ARHGEF12: variants seen among roughly 807,000 people sequenced by gnomAD.
ARHGEF12 encodes KMT2A/ARHGEF12 fusion protein.
A neutral mutation model predicts 211.2 loss-of-function variants in ARHGEF12; 66 were observed. The ratio of observed to expected loss-of-function variants is 0.31; its 90% CI spans 0.26 to 0.38. The LOEUF is 0.38. Ranked by LOEUF, ARHGEF12 falls within the 10% of genes least tolerant of loss-of-function variation. ARHGEF12 has a pLI of 1.00. For missense variants in ARHGEF12, 1,429 were observed against 1,869.5 expected (o/e 0.76, Z 4.34); for synonymous variants, 592 against 638.4 (o/e 0.93, Z 1.09).
intron 1 of ARHGEF12, among the ~76,000 whole-genome samples, chr11:120,354,268 C>T (rs1943072345): frequency 6.6e-6 from 1 of 152,118 alleles, no homozygotes; most frequent in South Asian, 2.1e-4. Context: ...CAGTCCTACC[C>T]CAGAGTGGTT....
chr11:120,416,711 C>T (rs550082583), intron 4 of ARHGEF12, among the ~76,000 whole-genome samples: 4 of 151,932 alleles, frequency 2.6e-5, no homozygotes, highest in South Asian at 2.1e-4. Context: ...AGTGCAGTGG[C>T]GCGATCTCGG....
chr11:120,401,167 C>T (rs931166720), intron 1 of ARHGEF12, among the ~76,000 whole-genome samples: 2 of 152,116 alleles, frequency 1.3e-5, no homozygotes, highest in South Asian at 2.1e-4. Context: ...TTTTTTCTCC[C>T]GATTCCACAA....
intron 1 of ARHGEF12, among the ~76,000 whole-genome samples, chr11:120,381,827 T>G (rs946045001): frequency 5.3e-5 from 8 of 152,160 alleles, no homozygotes; most frequent in African/African-American, 1.9e-4. Context: ...TCTCCTCTAG[T>G]CCCTAGCAAC....
chr11:120,479,348 C>A (rs1219982645), intron 37 of ARHGEF12, among the ~76,000 whole-genome samples: 1 of 152,170 alleles, frequency 6.6e-6, no homozygotes, highest in Non-Finnish European at 1.5e-5. Flanking sequence ...ATTTTTTATA[C>A]CTTCTCCTGA....
In ARHGEF12 at chr11:120,446,198, A is replaced by AAATAATAAT. The variant is rs59459827; in HGVS notation, c.1346-173_1346-165dup. 8.6e-3 allele frequency among the ~76,000 whole-genome samples: 1,208 copies of AAATAATAAT among 140,354 alleles called. 22 individuals carry two copies. The highest frequency in any genetic ancestry group is 0.03 in the African/African-American group (1,142 of 38,410). The allele number at this position is 140,354 out of a possible 152,430, so 92.1% of individuals were successfully genotyped here. On this transcript the variant is annotated intron_variant, in intron 16 of 40. Transcript: ENST00000397843. ...GGGCAACAGAGCAAGACTCCATCTC[A>AAATAATAAT]AATAATAATAATAATAATAATAATA...
At chr11:120,382,662 T>C (rs1248463493) in intron 1 of ARHGEF12, among the ~76,000 whole-genome samples, 2 of 152,260 alleles carry the variant, frequency 1.3e-5, no homozygotes, top group Non-Finnish European at 2.9e-5. Flanking sequence ...GAGTACTGTA[T>C]GTATTCATTC....
chr11:120,480,216 G>A lies in ARHGEF12; in HGVS notation c.4023G>A (p.Val1341=). ...AATCTTTTGCTCCACGGGATTCAGT[G>A]GGACTGGCACCCCAGGATAGCCAGG... ...STESFAPRDS[V]GLAPQDSQAS... Residue 1341 remains valine, a synonymous_variant, in exon 38 of 41, where the codon GTG becomes GTA. Coordinates refer to ENST00000397843, the MANE Select transcript of ARHGEF12 (RefSeq NM_015313.3). The A allele has an allele frequency of 6.2e-7, 1 of 1,614,176 alleles. No homozygotes were observed. The highest frequency in any genetic ancestry group is 8.5e-7 in the Non-Finnish European group (1 of 1,180,026).
chr11:120,367,849 G>T (rs1193263092), intron 1 of ARHGEF12, among the ~76,000 whole-genome samples: 2 of 152,158 alleles, frequency 1.3e-5, no homozygotes, highest in African/African-American at 2.4e-5. Context: ...GCACACACCT[G>T]TAGTTCCAGC....
chr11:120,396,641 A>G (rs532685867), intron 1 of ARHGEF12, among the ~76,000 whole-genome samples: 2 of 152,380 alleles, frequency 1.3e-5, no homozygotes, highest in Admixed American at 1.3e-4. Context: ...TTTCAATTGG[A>G]TATCACACTC....
rs906260027 is a variant in ARHGEF12, at chr11:120,339,005, C to CTTT, written c.32+1746_32+1748dup. Among the ~76,000 whole-genome samples the CTTT allele has an allele frequency of 7.8e-4, 95 of 121,980 alleles. 2 individuals are homozygous for CTTT. The highest frequency in any genetic ancestry group is 1.9e-3 in the African/African-American group (61 of 32,164). 80.0% of individuals were successfully genotyped at this position (121,980 alleles called of 152,430 possible). The stretch of plus-strand genomic sequence containing the variant: ...CTGAAAGCCTGTTTCTTTTCTTTTT[C>CTTT]TTTTTTTTTTTTTTTTTTGGCCAGG... On this transcript the variant is annotated intron_variant, in intron 1 of 40. Transcript: ENST00000397843.
At chr11:120,483,616 A>G (rs1947319193) in intron 39 of ARHGEF12, among the ~76,000 whole-genome samples, 1 of 145,926 alleles carries the variant, frequency 6.9e-6, no homozygotes, top group African/African-American at 2.5e-5. Context: ...TAATTTATTT[A>G]TGTATTTATA....
intron 1 of ARHGEF12, among the ~76,000 whole-genome samples, chr11:120,371,357 G>A (rs578066153): frequency 1.3e-5 from 2 of 152,224 alleles, no homozygotes; most frequent in East Asian, 1.9e-4. Flanking sequence ...GTGTGCTGGC[G>A]CATGCCTGTA....
chr11:120,400,381 C>T (rs1944520695), intron 1 of ARHGEF12, among the ~76,000 whole-genome samples: 1 of 152,076 alleles, frequency 6.6e-6, no homozygotes, highest in Non-Finnish European at 1.5e-5. Context: ...ATATTAATAT[C>T]TCTTCCATAA....
In ARHGEF12 at chr11:120,336,422, C is replaced by G. The variant is rs1565408338; in HGVS notation, c.-822C>G. On this transcript the variant is annotated 5_prime_UTR_variant, in exon 1 of 41. Transcript: ENST00000397843. ...GCCCGCGAGGGCCTCCAGAACCCGG[C>G]GAGCCGGCCCTGCGCCGGGAGACGC... Among the ~76,000 whole-genome samples the G allele has an allele frequency of 1.3e-5, 2 of 151,288 alleles. No individual in the cohort carries two copies. Among genetic ancestry groups the G allele is most frequent in the African/African-American group, 4.8e-5 (2 of 41,302 alleles).
intron 1 of ARHGEF12, among the ~76,000 whole-genome samples, chr11:120,377,595 G>A (rs765945208): frequency 2.0e-5 from 3 of 152,082 alleles, no homozygotes; most frequent in Non-Finnish European, 2.9e-5. Flanking sequence ...TGACCCCTGC[G>A]AAGTGCTGGG....
chr11:120,479,315 A>T (rs1947160137), intron 37 of ARHGEF12, among the ~76,000 whole-genome samples: 1 of 152,190 alleles, frequency 6.6e-6, no homozygotes, highest in South Asian at 2.1e-4. Context: ...AGAGCAGAGA[A>T]TTGGTTATTT....
intron 3 of ARHGEF12, 114 bp from the exon 4 acceptor site, chr11:120,409,280 G>C: frequency 1.0e-6 from 1 of 960,800 alleles, no homozygotes; most frequent in Non-Finnish European, 1.6e-6. Flanking sequence ...TTCATACTTT[G>C]TGTTTGCACG....
chr11:120,354,530 G>A (rs188042528), intron 1 of ARHGEF12, among the ~76,000 whole-genome samples: 9 of 152,212 alleles, frequency 5.9e-5, no homozygotes, highest in Admixed American at 2.6e-4. Context: ...TCTGTGACAT[G>A]AATCAGTTTA....
intron 1 of ARHGEF12, among the ~76,000 whole-genome samples, chr11:120,351,443 ATATATATATATATTTTTT>A (rs1942958477): frequency 5.3e-4 from 2 of 3,764 alleles, no homozygotes; most frequent in African/African-American, 1.7e-3. Flanking sequence ...ATATATATAT[ATATATATATATATTTTTT>A]TTTTTTTTTT....
Sources: gnomAD v4.1 joint callset for allele counts (sites outside exome capture counted in the v4.1 genomes callset) on GRCh38, gnomAD v4.1.1 for gene constraint, MANE v1.5 for transcripts, NCBI Gene and HGNC (gene_info 2026-07-23, HGNC 2026-07-21) for gene names.